The following CACNA2D3 variants were observed in gnomAD, a reference collection of about 807,000 sequenced individuals.
CACNA2D3 encodes voltage-dependent calcium channel subunit alpha-2/delta-3.
CACNA2D3 carries 60 observed loss-of-function variants against 160.6 expected under a neutral mutation model. The ratio of observed to expected loss-of-function variants is 0.37; its 90% confidence interval spans 0.30 to 0.46. CACNA2D3 has a LOEUF of 0.46. CACNA2D3 is among the 20% of genes least tolerant of loss of function. The pLI is 1.00. For missense variants in CACNA2D3, 1,205 were observed against 1,365.0 expected, an observed-to-expected ratio of 0.88 and a Z score of 1.85; for synonymous variants, 558 against 492.9, an observed-to-expected ratio of 1.13 and a Z score of -1.75.
chr3:54,203,304 C>G (rs978419805), intron 2 of CACNA2D3, among the ~76,000 whole-genome samples: 7 of 152,298 alleles, frequency 4.6e-5, no homozygotes, highest in Admixed American at 4.6e-4. Context: ...TGCCTTGTTG[C>G]TCAAACCTCT....
chr3:54,529,670 C>G (rs574247374), intron 5 of CACNA2D3, among the ~76,000 whole-genome samples: 101 of 152,182 alleles, frequency 6.6e-4, no homozygotes, highest in African/African-American at 2.4e-3. Flanking sequence ...CAGTCACTTG[C>G]TGTAGAGTAC....
At chr3:54,955,103 G>A (rs996614311) in intron 27 of CACNA2D3, among the ~76,000 whole-genome samples, 12 of 152,248 alleles carry the variant, frequency 7.9e-5, no homozygotes, top group South Asian at 2.1e-4. Context: ...TTATTCGAAC[G>A]TACGTAACAT....
rs753489222 is a variant in CACNA2D3, at chr3:55,074,131, T to G, written c.3201T>G (p.Cys1067Trp). The G allele has an allele frequency of 1.2e-6, 2 of 1,613,698 alleles. No individual in the cohort carries two copies. Among genetic ancestry groups the G allele is most frequent in the Admixed American group, 1.7e-5 (1 of 60,018 alleles). The change falls in exon 38 of 38, where the codon TGT (cysteine) becomes TGG (tryptophan). Residue 1067 changes from cysteine to tryptophan, a missense_variant. Physicochemically the swap from Cys to Trp is radical, Grantham distance 215. Around this residue, in one of 3 missense-constraint regions of CACNA2D3, gnomAD observed 911 missense variants for 1,002.2 expected, o/e 0.91. Transcript: ENST00000474759. Reference protein sequence around the residue: ...GFHPEENARECGGAPSLQAQT... With the variant: ...GFHPEENAREWGGAPSLQAQT... ...CCCCATAGGAGAATGCAAGGGAGTG[T>G]GGGGGTGCGCCGAGTCTCCAAGCCC...
chr3:54,785,183 G>A (rs1439953459), intron 13 of CACNA2D3, among the ~76,000 whole-genome samples: 4 of 152,218 alleles, frequency 2.6e-5, no homozygotes, highest in African/African-American at 9.7e-5. Flanking sequence ...AGAATATCTT[G>A]ACTGAAAGAT....
At chr3:54,169,910 G>T (rs936550040) in intron 2 of CACNA2D3, among the ~76,000 whole-genome samples, 1 of 152,088 alleles carries the variant, frequency 6.6e-6, no homozygotes, top group Non-Finnish European at 1.5e-5. Flanking sequence ...AGAAATGGCC[G>T]AGCGTGGTGG....
At position 54,446,458 on chromosome 3, in the gene CACNA2D3, A is replaced by T. The variant is rs368360767; in HGVS notation, c.382-57034A>T. ...AGTAAGGTGTCTGGGCCCACAGATA[A>T]AGCTCCTTCCCACACTATGCTGCTG... On this transcript the variant is annotated intron_variant, in intron 4 of 37. Transcript: ENST00000474759. 1.6e-3 allele frequency among the ~76,000 whole-genome samples: 247 copies of T among 152,282 alleles called. 2 individuals are homozygous for T. In the South Asian group the frequency reaches 0.023, roughly 14 times the overall value.
intron 13 of CACNA2D3, among the ~76,000 whole-genome samples, chr3:54,780,940 A>G (rs767467308): frequency 3.9e-5 from 6 of 152,238 alleles, no homozygotes; most frequent in Non-Finnish European, 8.8e-5. Context: ...TGATCACTGT[A>G]TGACAATACG....
chr3:54,746,545 C>G (rs2107056061), intron 11 of CACNA2D3, among the ~76,000 whole-genome samples: 1 of 152,204 alleles, frequency 6.6e-6, no homozygotes, highest in South Asian at 2.1e-4. Context: ...CGGAGGCTGC[C>G]ACTTAGCTAA....
chr3:54,625,995 A>C (rs893514963), intron 9 of CACNA2D3, among the ~76,000 whole-genome samples: 1 of 152,176 alleles, frequency 6.6e-6, no homozygotes, highest in African/African-American at 2.4e-5. Flanking sequence ...AGAGAAAGAA[A>C]GCCACTCCTT....
In CACNA2D3 at chr3:55,034,509, A is replaced by C. The variant is rs146244951; in HGVS notation, c.2987+16192A>C. The stretch of plus-strand genomic sequence containing the variant: ...TTGCATTAAAAGCATAGCTCATCAT[A>C]ATTATTTTCTCAATACAAAAGTAGT... On this transcript the variant is annotated intron_variant, in intron 35 of 37. Coordinates refer to ENST00000474759, the MANE Select transcript of CACNA2D3 (RefSeq NM_018398.3). Among the ~76,000 whole-genome samples the C allele has an allele frequency of 5.4e-3, 826 of 152,164 alleles. 9 individuals are homozygous for C. Among genetic ancestry groups the C allele is most frequent in the African/African-American group, 0.019 (784 of 41,550 alleles).
intron 13 of CACNA2D3, among the ~76,000 whole-genome samples, chr3:54,789,347 A>G (rs534136754): frequency 6.4e-4 from 97 of 152,360 alleles, no homozygotes; most frequent in Middle Eastern, 3.4e-3. Context: ...TTAAAGCATT[A>G]AGACATTTGC....
intron 4 of CACNA2D3, among the ~76,000 whole-genome samples, chr3:54,439,311 GT>G (rs1458065870): frequency 0.014 from 1,223 of 89,558 alleles, 9 homozygotes; most frequent in African/African-American, 0.067. Flanking sequence ...AAAGGAGGGT[GT>G]GTGTGTGTGT....
At chr3:54,441,299 G>A (rs867739195) in intron 4 of CACNA2D3, among the ~76,000 whole-genome samples, 18 of 152,016 alleles carry the variant, frequency 1.2e-4, no homozygotes, top group African/African-American at 3.6e-4. Context: ...TGAGAAGTGT[G>A]TGTTCATATC....
intron 27 of CACNA2D3, among the ~76,000 whole-genome samples, chr3:54,908,442 G>A (rs922739374): frequency 6.6e-6 from 1 of 152,234 alleles, no homozygotes; most frequent in Non-Finnish European, 1.5e-5. Flanking sequence ...CAGGCCGGGT[G>A]TGGTGGCTCA....
At chr3:54,710,411 G>C (rs916791396) in intron 11 of CACNA2D3, among the ~76,000 whole-genome samples, 18 of 152,204 alleles carry the variant, frequency 1.2e-4, no homozygotes, top group Non-Finnish European at 2.6e-4. Context: ...ATTGGGATTT[G>C]AGGATCCAGT....
chr3:54,806,575 A>T lies in CACNA2D3; in HGVS notation c.1381-10278A>T, dbSNP rs78510589. ...AAGAGGATACAAACAAATGGAAGAAAATTCCATGCTCATGGGTAGGAAGAA... is the reference window on the plus strand; with the variant it reads ...AAGAGGATACAAACAAATGGAAGAATATTCCATGCTCATGGGTAGGAAGAA... On this transcript the variant is annotated intron_variant, in intron 13 of 37. Coordinates refer to ENST00000474759, the MANE Select transcript of CACNA2D3 (RefSeq NM_018398.3). 7.9e-5 allele frequency among the ~76,000 whole-genome samples: 12 copies of T among 151,604 alleles called. No homozygotes were observed. The East Asian group carries it at 2.3e-3, about 29-fold the overall frequency.
chr3:54,697,620 C>T (rs953660496), intron 11 of CACNA2D3, among the ~76,000 whole-genome samples: 3 of 152,180 alleles, frequency 2.0e-5, no homozygotes, highest in Non-Finnish European at 4.4e-5. Context: ...GTGCCCCACA[C>T]TCCTGTGGTC....
intron 2 of CACNA2D3, among the ~76,000 whole-genome samples, chr3:54,236,620 G>A (rs1220852754): frequency 6.6e-6 from 1 of 152,110 alleles, no homozygotes; most frequent in African/African-American, 2.4e-5. Context: ...TAAAAACTCT[G>A]TGCATAGAAG....
intron 27 of CACNA2D3, among the ~76,000 whole-genome samples, chr3:54,926,303 T>A (rs961992818): frequency 6.6e-6 from 1 of 152,146 alleles, no homozygotes; most frequent in Non-Finnish European, 1.5e-5. Context: ...ATTATCCCCA[T>A]TTGAAAGATG....
Sources: allele counts gnomAD v4.1 joint callset (sites outside exome capture counted in the v4.1 genomes callset), GRCh38; gene constraint gnomAD v4.1.1; regional missense constraint gnomAD v4.1.1; transcripts MANE v1.5; gene names NCBI Gene and HGNC (gene_info 2026-07-23, HGNC 2026-07-21).